HNRNPLL: variants seen among roughly 807,000 people sequenced by gnomAD.
The protein encoded by HNRNPLL is heterogeneous nuclear ribonucleoprotein L like.
Under a neutral mutation model 67.1 loss-of-function variants are expected in HNRNPLL, and 25 were observed. The ratio of observed to expected loss-of-function variants is 0.37; its 90% CI spans 0.27 to 0.52. HNRNPLL has a LOEUF of 0.52. Ranked by LOEUF, HNRNPLL falls within the 20% of genes least tolerant of loss-of-function variation. HNRNPLL has a pLI of 0.90. For missense variants in HNRNPLL, 542 were observed against 673.9 expected (o/e 0.80, Z 2.17); for synonymous variants, 267 against 241.7 (o/e 1.10, Z -0.97).
intron 1 of HNRNPLL, among the ~76,000 whole-genome samples, chr2:38,597,545 T>C (rs549410456): frequency 6.6e-6 from 1 of 152,348 alleles, no homozygotes; most frequent in South Asian, 2.1e-4. Flanking sequence ...TAAATAATTA[T>C]GTCTCTTGGT....
rs995517385 is a variant in HNRNPLL at position 38,602,755 on chromosome 2, C to T, written c.-129G>A. On this transcript the variant is annotated 5_prime_UTR_variant, in exon 1 of 13. Transcript: ENST00000449105. ...CGAGGGTCTCCGCGGCCCGGCCGTC[C>T]GCGGGGACTGCGCGGCCAGGAGACT... 4 of 1,513,196 alleles carry T rather than the reference C, an allele frequency of 2.6e-6. No individual in the cohort carries two copies. The highest frequency in any genetic ancestry group is 4.2e-5 in the Admixed American group (2 of 47,334). The allele number at this position is 1,513,196 out of a possible 1,614,324, so 93.7% of individuals were successfully genotyped here.
chr2:38,583,122 A>G (rs527394536), intron 4 of HNRNPLL, among the ~76,000 whole-genome samples: 1 of 152,312 alleles, frequency 6.6e-6, no homozygotes, highest in African/African-American at 2.4e-5. Context: ...TATTTCTGAG[A>G]AGGCATAGTT....
At chr2:38,600,749 C>T (rs937946856) in intron 1 of HNRNPLL, among the ~76,000 whole-genome samples, 1 of 131,428 alleles carries the variant, frequency 7.6e-6, no homozygotes, top group African/African-American at 2.8e-5. Flanking sequence ...GAGATCCTCT[C>T]AAAAAAAAAA....
chr2:38,596,659 C>A (rs909126470), intron 1 of HNRNPLL, among the ~76,000 whole-genome samples: 5 of 152,236 alleles, frequency 3.3e-5, no homozygotes, highest in African/African-American at 1.2e-4. Context: ...TTTTTACCCC[C>A]CAACAATATA....
In HNRNPLL at chr2:38,597,637, C is replaced by T. The variant is rs569226117; in HGVS notation, c.189+4801G>A. On this transcript the variant is annotated intron_variant, in intron 1 of 12. Transcript: ENST00000449105. ...CAAAGTTTTTAGGTACATTTGATCA[C>T]ATAACAGAGCAAAGATGTAAAATTA... 3.4e-4 allele frequency among the ~76,000 whole-genome samples: 52 copies of T among 151,904 alleles called. No individual in the cohort carries two copies. In the South Asian group the frequency reaches 0.01, roughly 30 times the overall value.
intron 12 of HNRNPLL, among the ~76,000 whole-genome samples, chr2:38,567,707 A>C (rs1388922826): frequency 6.6e-6 from 1 of 152,192 alleles, no homozygotes; most frequent in Non-Finnish European, 1.5e-5. Flanking sequence ...ACATTAAGTG[A>C]TGGTATGCCA....
chr2:38,602,086 G>T (rs1030346461), intron 1 of HNRNPLL: 8 of 278,408 alleles, frequency 2.9e-5, no homozygotes, highest in Non-Finnish European at 4.8e-5. Flanking sequence ...TCCCGACGCT[G>T]GCCCCGAGCC....
intron 2 of HNRNPLL, among the ~76,000 whole-genome samples, chr2:38,590,552 A>T (rs1277624487): frequency 6.6e-6 from 1 of 152,234 alleles, no homozygotes. Context: ...TACTCCAAAA[A>T]TAATTTAGAA....
At chr2:38,588,546 CAAAAAAA>C (rs70954733) in intron 2 of HNRNPLL, among the ~76,000 whole-genome samples, 3 of 51,016 alleles carry the variant, frequency 5.9e-5, no homozygotes, top group African/African-American at 5.5e-5. Flanking sequence ...AACTCCATCT[CAAAAAAA>C]AAAAAAAAAA....
rs181518827 is a variant in HNRNPLL at position 38,580,968 on chromosome 2, C to T, written c.802+945G>A. On this transcript the variant is annotated intron_variant, in intron 6 of 12. Transcript: ENST00000449105. ...ACAAAAATCAAACCACACAGAAGAA[C>T]GTCTTTCACATATAATGCACCTTTT... The T allele has an allele frequency of 2.0e-3, 307 of 152,254 alleles. 1 individual carries two copies. The highest frequency in any genetic ancestry group is 7.1e-3 in the African/African-American group (297 of 41,558). The allele number at this position is 152,254 out of a possible 1,614,324, so 9.4% of individuals were successfully genotyped here.
At chr2:38,565,600 C>T (rs1665826243) in intron 12 of HNRNPLL, among the ~76,000 whole-genome samples, 1 of 151,736 alleles carries the variant, frequency 6.6e-6, no homozygotes, top group Non-Finnish European at 1.5e-5. Flanking sequence ...TGGTGTTGCA[C>T]TCCTATAGCC....
In HNRNPLL at chr2:38,564,222, T is replaced by C. The variant is rs1360076673; in HGVS notation, c.1589A>G (p.Tyr530Cys). 2 of 1,560,192 alleles carry C rather than the reference T, an allele frequency of 1.3e-6. No individual in the cohort carries two copies. Among genetic ancestry groups the C allele is most frequent in the Non-Finnish European group, 1.8e-6 (2 of 1,131,612 alleles). The change falls in exon 13 of 13, where the codon TAT (tyrosine) becomes TGT (cysteine). Residue 530 changes from tyrosine (Y) to cysteine (C), a missense_variant. Tyr to Cys is a radical substitution (Grantham distance 194). Around this residue, in one of 2 missense-constraint regions of HNRNPLL, gnomAD observed 415 missense variants for 575.2 expected, o/e 0.72. Coordinates refer to ENST00000449105, the MANE Select transcript of HNRNPLL (RefSeq NM_138394.4). ...QIRVPNGSNP[Y>C]TLKLCFSTSS... ...TGTAGAAAAGCAAAGCTTCAATGTA[T>C]AGGGATTGGAACCATCTGTAAAAAG... is the stretch of plus-strand genomic sequence containing the variant.
rs535908117 is a variant in HNRNPLL, at chr2:38,562,522, G to C, written c.*1660C>G. The C allele has an allele frequency of 6.6e-6, 1 of 152,180 alleles. No homozygotes were observed. Among genetic ancestry groups the C allele is most frequent in the South Asian group, 2.1e-4 (1 of 4,824 alleles). The allele number at this position is 152,180 out of a possible 1,614,324, so 9.4% of individuals were successfully genotyped here. A position where few individuals can be genotyped will look rare whatever the true frequency, so the allele number is the denominator to read the frequency against. ...AACTATTACATAAACCAAAATTAAG[G>C]TATTTCAATTTTTCAAAAGAGGTAG... is the stretch of plus-strand genomic sequence containing the variant. On this transcript the variant is annotated 3_prime_UTR_variant, in exon 13 of 13. Coordinates refer to ENST00000449105, the MANE Select transcript of HNRNPLL (RefSeq NM_138394.4).
intron 2 of HNRNPLL, among the ~76,000 whole-genome samples, chr2:38,588,520 T>G (rs1422128409): frequency 7.7e-6 from 1 of 129,466 alleles, no homozygotes. Flanking sequence ...CTGCACCAGC[T>G]TGGGTGACAG....
chr2:38,583,660 G>C (rs1666621613), intron 4 of HNRNPLL, among the ~76,000 whole-genome samples, 181 bp downstream of exon 4: 1 of 152,156 alleles, frequency 6.6e-6, no homozygotes, highest in Non-Finnish European at 1.5e-5. Context: ...CTGGTAGCAA[G>C]TTATTCTTAT....
intron 6 of HNRNPLL, among the ~76,000 whole-genome samples, chr2:38,578,897 A>G (rs891148547): frequency 6.6e-6 from 1 of 152,044 alleles, no homozygotes; most frequent in Non-Finnish European, 1.5e-5. Context: ...CCATTTCCCC[A>G]AAGTCATTTC....
intron 6 of HNRNPLL, among the ~76,000 whole-genome samples, chr2:38,579,760 A>C (rs1183051755): frequency 6.6e-6 from 1 of 152,108 alleles, no homozygotes; most frequent in Non-Finnish European, 1.5e-5. Flanking sequence ...GGTTAAAAAA[A>C]AAAATGTTAT....
At chr2:38,595,725 T>A (rs1405390037) in intron 1 of HNRNPLL, among the ~76,000 whole-genome samples, 1 of 152,102 alleles carries the variant, frequency 6.6e-6, no homozygotes, top group South Asian at 2.1e-4. Context: ...GCACCTGTAG[T>A]CCCAGCTACT....
chr2:38,583,899 C>G lies in HNRNPLL; in HGVS notation c.574G>C (p.Val192Leu). The G allele has an allele frequency of 9.6e-6, 15 of 1,564,204 alleles. No homozygotes were observed. Among genetic ancestry groups the G allele is most frequent in the Non-Finnish European group, 1.3e-5 (15 of 1,140,432 alleles). The change falls in exon 4 of 13, where the codon GTT becomes CTT. Residue 192 changes from valine to leucine, a missense_variant. This residue lies in a region of HNRNPLL where 415 missense variants were observed against 575.2 expected (regional missense o/e 0.72). Coordinates refer to ENST00000449105, the MANE Select transcript of HNRNPLL (RefSeq NM_138394.4). ...VDVLYTVCNP[V>L]GKVQRIVIFK... ...ATAACAATACGTTGCACTTTGCCAA[C>G]AGGGTTGCATACAGTATATAAAACA... is the stretch of plus-strand genomic sequence containing the variant.
Sources: gnomAD v4.1 joint callset for allele counts (sites outside exome capture counted in the v4.1 genomes callset) on GRCh38, gnomAD v4.1.1 for gene constraint, gnomAD v4.1.1 regional missense constraint, MANE v1.5 for transcripts, NCBI Gene and HGNC (gene_info 2026-07-23, HGNC 2026-07-21) for gene names.